Variants in NT5C2 observed in about 807,000 individuals in gnomAD.
NT5C2 encodes the protein cytosolic purine 5'-nucleotidase.
NT5C2 carries 58 observed loss-of-function variants against 76.1 expected under a neutral mutation model. That is an observed-to-expected ratio of 0.76 (90% CI 0.62 to 0.95). NT5C2 has a LOEUF of 0.95. Among genes scored for constraint, NT5C2 ranks in the 40% least tolerant of loss-of-function variants. NT5C2 has a pLI of 0.00. For missense variants in NT5C2, 478 were observed against 690.3 expected (o/e 0.69, Z 3.45); for synonymous variants, 229 against 237.4 (o/e 0.96, Z 0.32).
intron 4 of NT5C2, among the ~76,000 whole-genome samples, chr10:103,134,157 A>G (rs757943394): frequency 6.6e-6 from 1 of 152,218 alleles, no homozygotes; most frequent in Non-Finnish European, 1.5e-5. Flanking sequence ...CAAGCCCTGT[A>G]CAGAAATTTG....
At chr10:103,091,352 T>C (rs1416856514) in intron 16 of NT5C2, among the ~76,000 whole-genome samples, 2 of 151,804 alleles carry the variant, frequency 1.3e-5, no homozygotes, top group Admixed American at 6.6e-5. Flanking sequence ...GAAAGAACTT[T>C]TTTTTTTTTT....
intron 3 of NT5C2, among the ~76,000 whole-genome samples, chr10:103,157,803 G>A (rs146685007): frequency 0.01 from 1,592 of 152,212 alleles, 27 homozygotes; most frequent in African/African-American, 0.032. Context: ...GGCCAGGTGC[G>A]GTGGCTCACA....
chr10:103,181,561 T>A (rs917830698), intron 1 of NT5C2, among the ~76,000 whole-genome samples: 1 of 152,194 alleles, frequency 6.6e-6, no homozygotes, highest in African/African-American at 2.4e-5. Context: ...GATAGCCACA[T>A]ATAGTAAGAC....
chr10:103,152,743 T>C (rs906050822), intron 3 of NT5C2, among the ~76,000 whole-genome samples: 4 of 152,146 alleles, frequency 2.6e-5, no homozygotes, highest in African/African-American at 9.6e-5. Flanking sequence ...GAATCAGTAA[T>C]AATTCAGACT....
intron 3 of NT5C2, chr10:103,146,553 A>G: frequency 2.2e-6 from 1 of 459,876 alleles, no homozygotes; most frequent in Non-Finnish European, 2.9e-6. Context: ...GTATATATGC[A>G]TATTTTTACT....
intron 4 of NT5C2, among the ~76,000 whole-genome samples, chr10:103,115,856 T>C (rs1490711722): frequency 2.6e-5 from 4 of 152,010 alleles, no homozygotes; most frequent in African/African-American, 9.7e-5. Flanking sequence ...CTAAAAATAA[T>C]AGTATTGAGG....
intron 4 of NT5C2, among the ~76,000 whole-genome samples, chr10:103,139,028 T>G (rs933459440): frequency 3.3e-5 from 5 of 152,060 alleles, no homozygotes; most frequent in Non-Finnish European, 1.5e-5. Context: ...AAACTAAAAT[T>G]TTTAACTGAT....
intron 2 of NT5C2, among the ~76,000 whole-genome samples, chr10:103,180,911 T>C (rs993360145): frequency 2.0e-5 from 3 of 152,138 alleles, no homozygotes; most frequent in African/African-American, 7.2e-5. Context: ...TCGTAATAAC[T>C]ACACTGAGTG....
rs1216435810 is a variant in NT5C2 at position 103,174,984 on chromosome 10, T to C, written c.-24-2A>G. The C allele has an allele frequency of 2.0e-6, 3 of 1,470,704 alleles. No homozygotes were observed. The highest frequency in any genetic ancestry group is 1.9e-6 in the Non-Finnish European group (2 of 1,051,210). The allele number at this position is 1,470,704 out of a possible 1,614,324, so 91.1% of individuals were successfully genotyped here. On this transcript the variant is annotated splice_acceptor_variant, in intron 2 of 18. Coordinates refer to ENST00000404739, the MANE Select transcript of NT5C2 (RefSeq NM_001351169.2). LOFTEE classifies it low-confidence loss of function (5UTR_SPLICE). ...TTTATTTTAACTGTATTTTGTATTC[T>C]AGAAAAGAAAATCATTAATTTAGTA...
At chr10:103,107,317 A>G (rs1293522006) in intron 4 of NT5C2, among the ~76,000 whole-genome samples, 1 of 152,206 alleles carries the variant, frequency 6.6e-6, no homozygotes, top group African/African-American at 2.4e-5. Flanking sequence ...TTATTATTGT[A>G]AACCAACCAT....
intron 4 of NT5C2, among the ~76,000 whole-genome samples, chr10:103,133,111 T>C (rs1435011127): frequency 6.6e-6 from 1 of 152,190 alleles, no homozygotes; most frequent in Non-Finnish European, 1.5e-5. Flanking sequence ...GTTCTCGTGA[T>C]AGTGAATAAC....
chr10:103,115,868 T>C (rs1341823018), intron 4 of NT5C2, among the ~76,000 whole-genome samples: 1 of 152,030 alleles, frequency 6.6e-6, no homozygotes, highest in Non-Finnish European at 1.5e-5. Context: ...GTATTGAGGG[T>C]GTTTATCTCA....
intron 3 of NT5C2, among the ~76,000 whole-genome samples, chr10:103,148,520 C>T (rs1298352662): frequency 3.3e-5 from 5 of 151,740 alleles, no homozygotes; most frequent in East Asian, 3.9e-4. Flanking sequence ...AGGAGAATGG[C>T]GTGAACCCAG....
intron 1 of NT5C2, among the ~76,000 whole-genome samples, chr10:103,185,945 G>C (rs948499382): frequency 2.0e-5 from 3 of 152,052 alleles, no homozygotes; most frequent in African/African-American, 7.2e-5. Context: ...CATAATAACA[G>C]CTGACATTTA....
chr10:103,090,172 CA>C, intron 18 of NT5C2: 1 of 408,372 alleles, frequency 2.4e-6, no homozygotes, highest in East Asian at 3.8e-5. Context: ...TATTTTACAG[CA>C]AAAACAAGAT....
intron 6 of NT5C2, among the ~76,000 whole-genome samples, chr10:103,102,774 G>C (rs2070129173): frequency 6.6e-6 from 1 of 152,074 alleles, no homozygotes; most frequent in Middle Eastern, 3.2e-3. Context: ...TGATGTGAGA[G>C]TAGTTCTATT....
chr10:103,175,106 C>T (rs978181502), intron 2 of NT5C2, 124 bp from the exon 3 acceptor site: 13 of 564,446 alleles, frequency 2.3e-5, no homozygotes, highest in Non-Finnish European at 3.8e-5. Flanking sequence ...TATTAAAACA[C>T]ACTGAATACA....
chr10:103,165,862 G>A (rs2086246626), intron 3 of NT5C2, among the ~76,000 whole-genome samples: 1 of 152,064 alleles, frequency 6.6e-6, no homozygotes, highest in Non-Finnish European at 1.5e-5. Flanking sequence ...CAGAAACAGG[G>A]TTTCTCCATG....
At chr10:103,137,495 G>A (rs1005466246) in intron 4 of NT5C2, among the ~76,000 whole-genome samples, 6 of 152,164 alleles carry the variant, frequency 3.9e-5, no homozygotes, top group Admixed American at 1.3e-4. Flanking sequence ...CCGTAATTTC[G>A]TGTTTGAACA....
Sources: allele counts gnomAD v4.1 joint callset (sites outside exome capture counted in the v4.1 genomes callset), GRCh38; gene constraint gnomAD v4.1.1; transcripts MANE v1.5; gene names NCBI Gene and HGNC (gene_info 2026-07-23, HGNC 2026-07-21).